PTP4A3: variants seen among roughly 807,000 people sequenced by gnomAD.
PTP4A3 encodes the protein protein tyrosine phosphatase type IVA 3.
PTP4A3 carries 9 observed loss-of-function variants against 15.2 expected under a neutral mutation model. That is an observed-to-expected ratio of 0.59 (90% confidence interval 0.36 to 1.03). The LOEUF (loss-of-function observed/expected upper bound fraction) is 1.03. PTP4A3 is among the 50% of genes least tolerant of loss of function. The pLI is 0.02. For missense variants in PTP4A3, 234 were observed against 252.1 expected, an observed-to-expected ratio of 0.93 and a Z score of 0.49; for synonymous variants, 95 against 102.0, an observed-to-expected ratio of 0.93 and a Z score of 0.41.
chr8:141,420,486 A>G (rs1003756300), intron 1 of PTP4A3, among the ~76,000 whole-genome samples: 4 of 152,122 alleles, frequency 2.6e-5, no homozygotes, highest in Non-Finnish European at 5.9e-5. Flanking sequence ...GAGACCCAGA[A>G]AGGGAGAGAG....
intron 4 of PTP4A3, 39 bp from the exon 5 acceptor site, chr8:141,427,711 G>T (rs370725612): frequency 5.2e-6 from 8 of 1,525,292 alleles, no homozygotes; most frequent in African/African-American, 1.4e-5. Flanking sequence ...ACAGGGGTGC[G>T]CAGGCTCCGA....
rs1833687501 is a variant in PTP4A3, at chr8:141,428,428, C to T, written c.404+604C>T. The stretch of plus-strand genomic sequence containing the variant: ...GGGGAGTCTGGCCGGGATGGCAGGG[C>T]CAACTCTGGAGGAACGGATGCGGCA... On this transcript the variant is annotated intron_variant, in intron 5 of 5. Transcript: ENST00000521578. Among the ~76,000 whole-genome samples the T allele has an allele frequency of 2.0e-5, 3 of 152,180 alleles. No homozygotes were observed. The South Asian group carries it at 6.2e-4, about 32-fold the overall frequency.
rs1027414997 is a variant in PTP4A3, at chr8:141,432,308, C to G, written c.*1264C>G. ...AGCCCCTTCTCAGGCAGCCCTGCCC[C>G]CAAGACCGACAGATGGCTAAGGGGG... On this transcript the variant is annotated 3_prime_UTR_variant, in exon 6 of 6. Coordinates refer to ENST00000521578, the MANE Select transcript of PTP4A3 (RefSeq NM_032611.3). 5 of 152,260 alleles carry G rather than the reference C, an allele frequency of 3.3e-5. No homozygotes were observed. The highest frequency in any genetic ancestry group is 1.2e-4 in the African/African-American group (5 of 41,438). The allele number at this position is 152,260 out of a possible 1,614,324, so 9.4% of individuals were successfully genotyped here.
At chr8:141,408,667 A>G (rs1453720448) in intron 1 of PTP4A3, among the ~76,000 whole-genome samples, 1 of 151,838 alleles carries the variant, frequency 6.6e-6, no homozygotes, top group African/African-American at 2.4e-5. Context: ...TATGAATTTT[A>G]TCTCAAAAAA....
intron 1 of PTP4A3, among the ~76,000 whole-genome samples, chr8:141,395,827 C>G (rs943161236): frequency 6.6e-6 from 1 of 151,916 alleles, no homozygotes; most frequent in Non-Finnish European, 1.5e-5. Flanking sequence ...TAGGGGTGCT[C>G]CCATGCCCCC....
intron 2 of PTP4A3, among the ~76,000 whole-genome samples, chr8:141,423,831 T>G (rs1011696375): frequency 2.0e-5 from 3 of 151,794 alleles, no homozygotes; most frequent in Non-Finnish European, 4.4e-5. Flanking sequence ...TAACGCTTAG[T>G]GTCTGACCAG....
At chr8:141,395,001 A>G (rs1832406333) in intron 1 of PTP4A3, among the ~76,000 whole-genome samples, 1 of 152,194 alleles carries the variant, frequency 6.6e-6, no homozygotes, top group Admixed American at 6.5e-5. Flanking sequence ...GGGCCTCCCC[A>G]AGGTGGGACG....
In PTP4A3 at chr8:141,404,417, G is replaced by A. The variant is rs546762009; in HGVS notation, c.-854+12333G>A. ...TCCATTGGGGCAGGGCCCCCCAGCA[G>A]CTGAGGGCCTCTCTCCCCCTGTCCT... On this transcript the variant is annotated intron_variant, in intron 1 of 5. Transcript: ENST00000521578. Among the ~76,000 whole-genome samples, 48 of 152,244 alleles carry A rather than the reference G, an allele frequency of 3.2e-4. 1 individual carries two copies. The highest frequency in any genetic ancestry group is 2.5e-3 in the Admixed American group (38 of 15,288).
At chr8:141,401,708 C>T (rs1160877233) in intron 1 of PTP4A3, among the ~76,000 whole-genome samples, 2 of 152,234 alleles carry the variant, frequency 1.3e-5, no homozygotes, top group Non-Finnish European at 2.9e-5. Context: ...GGACAGCCAT[C>T]GGCTCAGAGG....
At chr8:141,428,951 C>T (rs1355175908) in intron 5 of PTP4A3, among the ~76,000 whole-genome samples, 1 of 152,230 alleles carries the variant, frequency 6.6e-6, no homozygotes, top group African/African-American at 2.4e-5. Context: ...GCACACCTTC[C>T]CCGGGTTCTC....
rs1833884670 is a variant in PTP4A3, at chr8:141,431,692, C to G, written c.*648C>G. On this transcript the variant is annotated 3_prime_UTR_variant, in exon 6 of 6. Transcript: ENST00000521578. ...CTTGCACCCCGACCCAGGGGCCAGC[C>G]TGCCCTGTCCTGTCCTGATACCGAG... 6.6e-6 allele frequency: 1 copy of G among 152,550 alleles called. No homozygotes were observed. Among genetic ancestry groups the G allele is most frequent in the Middle Eastern group, 3.1e-3 (1 of 318 alleles). The allele number at this position is 152,550 out of a possible 1,614,324, so 9.4% of individuals were successfully genotyped here.
At chr8:141,393,430 C>T (rs1832350516) in intron 1 of PTP4A3, among the ~76,000 whole-genome samples, 2 of 152,298 alleles carry the variant, frequency 1.3e-5, no homozygotes, top group East Asian at 1.9e-4. Flanking sequence ...GGGCTGTTTC[C>T]AAATAGCCCC....
intron 1 of PTP4A3, among the ~76,000 whole-genome samples, chr8:141,417,001 C>T (rs1833081707): frequency 6.6e-6 from 1 of 152,154 alleles, no homozygotes; most frequent in Admixed American, 6.5e-5. Flanking sequence ...GCTCTGAGGG[C>T]CCTGGGTGGC....
Position 141,430,990 on chromosome 8 carries a change from G to T in PTP4A3, c.468G>T (p.Gln156His), listed in dbSNP as rs936939850. ...LTYLEKYRPK[Q>H]RLRFKDPHTH... ...ACCTGGAGAAATACCGGCCCAAACA[G>T]AGGCTGCGGTTCAAAGACCCACACA... The change falls in exon 6 of 6, where the codon CAG becomes CAT. Residue 156 changes from glutamine (Q) to histidine (H), a missense_variant. Coordinates refer to ENST00000521578, the MANE Select transcript of PTP4A3 (RefSeq NM_032611.3). 3 of 1,613,368 alleles carry T rather than the reference G, an allele frequency of 1.9e-6. No individual in the cohort carries two copies. Among genetic ancestry groups the T allele is most frequent in the South Asian group, 1.1e-5 (1 of 91,088 alleles).
intron 1 of PTP4A3, among the ~76,000 whole-genome samples, chr8:141,402,118 G>A (rs866499967): frequency 1.1e-4 from 16 of 152,332 alleles, no homozygotes; most frequent in Middle Eastern, 3.4e-3. Flanking sequence ...TGCCAGCAGA[G>A]GGTGCAGCCT....
chr8:141,426,328 G>T (rs1833576040), intron 3 of PTP4A3: 1 of 649,808 alleles, frequency 1.5e-6, no homozygotes, highest in East Asian at 1.4e-4. Context: ...CTGGGGGACG[G>T]GACAGTGGGA....
chr8:141,411,041 G>A (rs902081718), intron 1 of PTP4A3, among the ~76,000 whole-genome samples: 1 of 152,178 alleles, frequency 6.6e-6, no homozygotes, highest in Admixed American at 6.5e-5. Context: ...GGCGTTGTGG[G>A]CTGGCAAGGC....
intron 1 of PTP4A3, among the ~76,000 whole-genome samples, chr8:141,402,841 C>T (rs541035230): frequency 6.6e-6 from 1 of 152,240 alleles, no homozygotes; most frequent in Non-Finnish European, 1.5e-5. Flanking sequence ...GGCAAGCATC[C>T]CCAGCCTCCC....
intron 1 of PTP4A3, among the ~76,000 whole-genome samples, chr8:141,407,505 C>T (rs1238700254): frequency 1.3e-5 from 2 of 152,098 alleles, no homozygotes; most frequent in Non-Finnish European, 1.5e-5. Flanking sequence ...ACAAGCTTGC[C>T]CAGCCAGCAG....
Sources: allele counts gnomAD v4.1 joint callset (sites outside exome capture counted in the v4.1 genomes callset), GRCh38; gene constraint gnomAD v4.1.1; transcripts MANE v1.5; gene names NCBI Gene and HGNC (gene_info 2026-07-23, HGNC 2026-07-21).